The following KSR2 variants were observed in gnomAD, a reference collection of about 807,000 sequenced individuals.
KSR2 encodes the protein kinase suppressor of ras 2.
KSR2 carries 25 observed loss-of-function variants against 107.8 expected under a neutral mutation model. The observed-to-expected ratio is 0.23, with a 90% CI of 0.17 to 0.32. The LOEUF is 0.32. KSR2 is among the 10% of genes least tolerant of loss of function. The pLI is 1.00. For missense variants in KSR2, 887 were observed against 1,268.9 expected, an observed-to-expected ratio of 0.70 and a Z score of 4.57; for synonymous variants, 480 against 507.0, an observed-to-expected ratio of 0.95 and a Z score of 0.71.
chr12:117,855,816 G>A (rs1893085222), intron 2 of KSR2, among the ~76,000 whole-genome samples: 1 of 152,126 alleles, frequency 6.6e-6, no homozygotes, highest in Admixed American at 6.5e-5. Context: ...GTCCATACTT[G>A]GCAAGGTAGC....
intron 1 of KSR2, among the ~76,000 whole-genome samples, chr12:117,930,237 T>C (rs1243057251): frequency 6.6e-5 from 10 of 152,146 alleles, no homozygotes; most frequent in African/African-American, 2.2e-4. Context: ...TTTAGCCATG[T>C]TGCCCAGGCG....
intron 3 of KSR2, among the ~76,000 whole-genome samples, chr12:117,811,277 C>A (rs112767679): frequency 0.04 from 6,143 of 152,272 alleles, 178 homozygotes; most frequent in South Asian, 0.069. Context: ...CGTGACTATA[C>A]CCCTCCCCAC....
Position 117,956,755 on chromosome 12 carries a change from T to A in KSR2, c.180+11321A>T, listed in dbSNP as rs186640944. On this transcript the variant is annotated intron_variant, in intron 1 of 19. Coordinates refer to ENST00000339824, the MANE Select transcript of KSR2 (RefSeq NM_173598.6). ...CAGCCTGGGCAACATAGTGAGACCC[T>A]CATCTCTCTTAAAAAAATTTTTTTT... Among the ~76,000 whole-genome samples, 550 of 152,266 alleles carry A rather than the reference T, an allele frequency of 3.6e-3. 3 individuals are homozygous for A. Among genetic ancestry groups the A allele is most frequent in the Non-Finnish European group, 6.6e-3 (451 of 68,008 alleles).
chr12:117,469,152 C>G (rs1871296058), intron 19 of KSR2, among the ~76,000 whole-genome samples: 1 of 152,140 alleles, frequency 6.6e-6, no homozygotes, highest in African/African-American at 2.4e-5. Flanking sequence ...GGAGCATGGT[C>G]TGGAGCCTCT....
In KSR2 at chr12:117,504,334, T is replaced by G. The variant is rs1983040; in HGVS notation, c.2220-18643A>C. 9.2e-3 allele frequency among the ~76,000 whole-genome samples: 1,401 copies of G among 152,312 alleles called. 24 individuals are homozygous for G. Among genetic ancestry groups the G allele is most frequent in the South Asian group, 0.028 (136 of 4,820 alleles). ...TCTGTTTCAATTGAAAGTCCTGTCATTCCCCAAAACCCAATTTAGAAGGTG... is the reference window on the plus strand; with the variant it reads ...TCTGTTTCAATTGAAAGTCCTGTCAGTCCCCAAAACCCAATTTAGAAGGTG... On this transcript the variant is annotated intron_variant, in intron 14 of 19. Transcript: ENST00000339824.
At chr12:117,588,413 G>T (rs1387152706) in intron 5 of KSR2, among the ~76,000 whole-genome samples, 6 of 152,172 alleles carry the variant, frequency 3.9e-5, no homozygotes, top group Non-Finnish European at 8.8e-5. Context: ...TCTGCTATGG[G>T]GACAAACGAT....
chr12:117,766,801 G>A (rs540199215), intron 3 of KSR2, among the ~76,000 whole-genome samples: 2 of 151,602 alleles, frequency 1.3e-5, no homozygotes, highest in South Asian at 2.1e-4. Context: ...GAGAACAGCA[G>A]GGTCAAAGGC....
intron 14 of KSR2, among the ~76,000 whole-genome samples, chr12:117,498,717 C>A (rs1056203134): frequency 6.6e-6 from 1 of 152,138 alleles, no homozygotes; most frequent in African/African-American, 2.4e-5. Context: ...GGGGACAGGC[C>A]TTTCCTGTGC....
chr12:117,697,738 T>C (rs1471828574), intron 4 of KSR2, among the ~76,000 whole-genome samples: 1 of 112,212 alleles, frequency 8.9e-6, no homozygotes, highest in Non-Finnish European at 1.7e-5. Context: ...AGACTCCATC[T>C]CAAAAAAAAA....
intron 4 of KSR2, among the ~76,000 whole-genome samples, chr12:117,752,481 A>G (rs1319896006): frequency 1.3e-5 from 2 of 152,248 alleles, no homozygotes; most frequent in African/African-American, 4.8e-5. Context: ...AATAATGAAG[A>G]AAGGGAACTA....
At chr12:117,706,244 A>G (rs761397936) in intron 4 of KSR2, among the ~76,000 whole-genome samples, 2 of 151,730 alleles carry the variant, frequency 1.3e-5, no homozygotes, top group African/African-American at 4.8e-5. Context: ...GGGTTTCACC[A>G]TGTTGGCCAG....
intron 7 of KSR2, among the ~76,000 whole-genome samples, chr12:117,569,924 T>C (rs1878767516): frequency 6.6e-6 from 1 of 151,844 alleles, no homozygotes; most frequent in South Asian, 2.1e-4. Context: ...ATGCACACCA[T>C]AGCCCCATGG....
intron 5 of KSR2, among the ~76,000 whole-genome samples, chr12:117,634,474 A>C (rs1882960840): frequency 6.6e-6 from 1 of 152,150 alleles, no homozygotes; most frequent in Non-Finnish European, 1.5e-5. Context: ...TGCCAGACCA[A>C]AATTAAAACA....
At chr12:117,712,771 T>C (rs1217237633) in intron 4 of KSR2, among the ~76,000 whole-genome samples, 1 of 152,076 alleles carries the variant, frequency 6.6e-6, no homozygotes, top group Non-Finnish European at 1.5e-5. Context: ...TGAAAATCAA[T>C]CCCTCTCATT....
chr12:117,467,910 C>CAGGGTTTCT (rs1871234780), intron 19 of KSR2: 3 of 218,686 alleles, frequency 1.4e-5, no homozygotes, highest in Admixed American at 9.8e-5. Context: ...TGCTAGACCA[C>CAGGGTTTCT]AGTCCTGTGT....
chr12:117,904,076 TGAA>T (rs1040633998), intron 1 of KSR2, among the ~76,000 whole-genome samples: 4 of 151,632 alleles, frequency 2.6e-5, no homozygotes, highest in Non-Finnish European at 5.9e-5. Flanking sequence ...AAAAAAAAAA[TGAA>T]GAAATCAAAA....
At chr12:117,539,693 T>A (rs539294546) in intron 10 of KSR2, 26 bp downstream of exon 10, 1 of 1,581,846 alleles carries the variant, frequency 6.3e-7, no homozygotes, top group Non-Finnish European at 8.6e-7. Flanking sequence ...GCTGCACCCC[T>A]CATGTCTCCC....
intron 4 of KSR2, among the ~76,000 whole-genome samples, chr12:117,713,073 A>C (rs1032604751): frequency 6.7e-6 from 1 of 149,644 alleles, no homozygotes; most frequent in Non-Finnish European, 1.5e-5. Flanking sequence ...ATACTTATAT[A>C]GATAGATTAT....
intron 10 of KSR2, among the ~76,000 whole-genome samples, chr12:117,535,464 T>C (rs1030963322): frequency 2.6e-5 from 4 of 152,008 alleles, no homozygotes; most frequent in African/African-American, 9.7e-5. Context: ...GAGAGACTGA[T>C]GGAAAGGGAA....
Sources: gnomAD v4.1 joint callset for allele counts (sites outside exome capture counted in the v4.1 genomes callset) on GRCh38, gnomAD v4.1.1 for gene constraint, MANE v1.5 for transcripts, NCBI Gene and HGNC (gene_info 2026-07-23, HGNC 2026-07-21) for gene names.